KCNIP4: variants seen among roughly 807,000 people sequenced by gnomAD.
KCNIP4 encodes potassium voltage-gated channel interacting protein 4, also known as Kv channel-interacting protein 4.
A neutral mutation model predicts 34.0 loss-of-function variants in KCNIP4; 12 were observed. That is an observed-to-expected ratio of 0.35 (90% confidence interval 0.23 to 0.57). The LOEUF is 0.57. Among genes scored for constraint, KCNIP4 ranks in the 20% least tolerant of loss-of-function variants. KCNIP4 has a pLI of 0.83. For synonymous variants in KCNIP4, 124 were observed against 102.2 expected (o/e 1.21, Z -1.29); for missense variants, 238 against 311.7 (o/e 0.76, Z 1.78).
At chr4:21,532,513 C>A (rs1311483787) in intron 1 of KCNIP4, among the ~76,000 whole-genome samples, 1 of 152,150 alleles carries the variant, frequency 6.6e-6, no homozygotes, top group Non-Finnish European at 1.5e-5. Context: ...CAGTGGGAAG[C>A]ACACAGGCAG....
At chr4:21,013,541 G>T (rs1260177714) in intron 1 of KCNIP4, among the ~76,000 whole-genome samples, 3 of 152,094 alleles carry the variant, frequency 2.0e-5, no homozygotes, top group African/African-American at 4.8e-5. Context: ...AAGCTTTTGG[G>T]CTCAGAATGA....
At chr4:21,271,642 T>G (rs1762148960) in intron 1 of KCNIP4, among the ~76,000 whole-genome samples, 1 of 152,152 alleles carries the variant, frequency 6.6e-6, no homozygotes, top group Admixed American at 6.6e-5. Context: ...GGGAGAGGTC[T>G]TGGCTTCATA....
intron 1 of KCNIP4, among the ~76,000 whole-genome samples, chr4:21,021,880 G>T (rs1426932761): frequency 6.6e-6 from 1 of 151,518 alleles, no homozygotes; most frequent in Non-Finnish European, 1.5e-5. Flanking sequence ...GTATAGTATA[G>T]TATAGTATAG....
chr4:21,610,012 A>G (rs1390322747), intron 1 of KCNIP4, among the ~76,000 whole-genome samples: 1 of 152,230 alleles, frequency 6.6e-6, no homozygotes, highest in Non-Finnish European at 1.5e-5. Flanking sequence ...ACAGGCAGAA[A>G]CTGTTATATT....
chr4:21,591,204 G>A (rs2109095832), intron 1 of KCNIP4, among the ~76,000 whole-genome samples: 1 of 152,004 alleles, frequency 6.6e-6, no homozygotes, highest in Non-Finnish European at 1.5e-5. Context: ...AAACAAGGAG[G>A]AACGTTATAG....
intron 1 of KCNIP4, among the ~76,000 whole-genome samples, chr4:21,324,174 C>T (rs1299878345): frequency 7.5e-6 from 1 of 133,936 alleles, no homozygotes; most frequent in East Asian, 2.2e-4. Context: ...GCAGTTTGTA[C>T]TTACTTTTCC....
intron 1 of KCNIP4, among the ~76,000 whole-genome samples, chr4:20,922,687 G>T (rs893988542): frequency 6.6e-6 from 1 of 152,008 alleles, no homozygotes; most frequent in African/African-American, 2.4e-5. Context: ...ATTAGAGCAT[G>T]AAAATAAATA....
At chr4:21,706,090 G>A (rs1451294529) in intron 1 of KCNIP4, among the ~76,000 whole-genome samples, 1 of 152,060 alleles carries the variant, frequency 6.6e-6, no homozygotes, top group Admixed American at 6.6e-5. Flanking sequence ...CAGAGTATTA[G>A]AAAACAAAAA....
intron 1 of KCNIP4, among the ~76,000 whole-genome samples, chr4:21,381,284 C>T (rs894122430): frequency 1.3e-5 from 2 of 152,186 alleles, no homozygotes; most frequent in Non-Finnish European, 2.9e-5. Flanking sequence ...TTTTCAAGAT[C>T]TCTATACCTC....
intron 1 of KCNIP4, among the ~76,000 whole-genome samples, chr4:21,925,314 A>G (rs970994329): frequency 2.1e-5 from 3 of 142,986 alleles, no homozygotes; most frequent in East Asian, 4.3e-4. Flanking sequence ...ATTCCCACCT[A>G]TGAGTGAGAA....
At chr4:20,838,162 GC>G (rs2149467438) in intron 3 of KCNIP4, among the ~76,000 whole-genome samples, 1 of 152,248 alleles carries the variant, frequency 6.6e-6, no homozygotes, top group Non-Finnish European at 1.5e-5. Flanking sequence ...GGATGAAGCT[GC>G]TTTTGAACTT....
At chr4:21,418,184 C>G (rs976246785) in intron 1 of KCNIP4, among the ~76,000 whole-genome samples, 2 of 152,188 alleles carry the variant, frequency 1.3e-5, no homozygotes, top group African/African-American at 4.8e-5. Context: ...CTCTCTCTCT[C>G]TCTCTAACAG....
intron 1 of KCNIP4, among the ~76,000 whole-genome samples, chr4:21,039,272 G>A: frequency 6.6e-6 from 1 of 151,820 alleles, no homozygotes; most frequent in East Asian, 1.9e-4. Flanking sequence ...TGAGGCAGGA[G>A]AATTGCTTGA....
chr4:21,030,195 T>C (rs1224464103), intron 1 of KCNIP4, among the ~76,000 whole-genome samples: 1 of 152,102 alleles, frequency 6.6e-6, no homozygotes, highest in Non-Finnish European at 1.5e-5. Flanking sequence ...CTCTGCCTCC[T>C]GTCAGATAAG....
At chr4:21,528,902 A>T (rs1227215903) in intron 1 of KCNIP4, among the ~76,000 whole-genome samples, 1 of 151,992 alleles carries the variant, frequency 6.6e-6, no homozygotes, top group Non-Finnish European at 1.5e-5. Flanking sequence ...TGTGGCAAAC[A>T]CTACAGCTAA....
intron 1 of KCNIP4, among the ~76,000 whole-genome samples, chr4:21,503,369 C>A (rs1466812190): frequency 1.3e-5 from 2 of 152,130 alleles, no homozygotes; most frequent in Admixed American, 6.6e-5. Context: ...CCTTACATAA[C>A]CTGTAGGTCC....
intron 1 of KCNIP4, among the ~76,000 whole-genome samples, chr4:20,971,562 A>C (rs548428089): frequency 1.3e-5 from 2 of 152,338 alleles, no homozygotes; most frequent in South Asian, 4.1e-4. Context: ...TGTCTAAAAA[A>C]CAATGTGCAA....
At chr4:21,434,765 T>TTG (rs1560402211) in intron 1 of KCNIP4, among the ~76,000 whole-genome samples, 1 of 106,706 alleles carries the variant, frequency 9.4e-6, no homozygotes, top group African/African-American at 3.7e-5. Context: ...ACCCTGTCTG[T>TTG]GGGGGGAAAA....
At chr4:21,856,854 C>G (rs1174083082) in intron 1 of KCNIP4, among the ~76,000 whole-genome samples, 1 of 152,160 alleles carries the variant, frequency 6.6e-6, no homozygotes, top group Non-Finnish European at 1.5e-5. Context: ...CTGTCACAAC[C>G]TGGCTAGGTA....
Sources: gnomAD v4.1 joint callset for allele counts (sites outside exome capture counted in the v4.1 genomes callset) on GRCh38, gnomAD v4.1.1 for gene constraint, MANE v1.5 for transcripts, NCBI Gene and HGNC (gene_info 2026-07-23, HGNC 2026-07-21) for gene names.